RBMS1: variants seen among roughly 807,000 people sequenced by gnomAD.
RBMS1 encodes RNA-binding motif, single-stranded-interacting protein 1.
Under a neutral mutation model 62.3 loss-of-function variants are expected in RBMS1, and 17 were observed. The observed-to-expected ratio is 0.27, with a 90% confidence interval of 0.19 to 0.41. The LOEUF (loss-of-function observed/expected upper bound fraction) is 0.41. Among genes scored for constraint, RBMS1 ranks in the 10% least tolerant of loss-of-function variants. The pLI is 1.00. For synonymous variants in RBMS1, 172 were observed against 170.0 expected (o/e 1.01, Z -0.09); for missense variants, 334 against 504.5 (o/e 0.66, Z 3.24).
chr2:160,317,659 T>G (rs1690299772), intron 3 of RBMS1, among the ~76,000 whole-genome samples: 1 of 152,074 alleles, frequency 6.6e-6, no homozygotes, highest in Non-Finnish European at 1.5e-5. Context: ...AATGGTTGTC[T>G]CCTCCCTGCT....
At chr2:160,308,310 C>T (rs1689659085) in intron 4 of RBMS1, among the ~76,000 whole-genome samples, 1 of 152,038 alleles carries the variant, frequency 6.6e-6, no homozygotes, top group Non-Finnish European at 1.5e-5. Context: ...GTGGAAGGAT[C>T]GCTTGAACCT....
At chr2:160,368,450 G>A (rs1359787516) in intron 1 of RBMS1, among the ~76,000 whole-genome samples, 3 of 152,160 alleles carry the variant, frequency 2.0e-5, no homozygotes, top group Non-Finnish European at 4.4e-5. Context: ...AGTCAGGCAT[G>A]TCTATAGGAG....
In RBMS1 at chr2:160,277,335, C is replaced by G; in HGVS notation, c.1111G>C (p.Ala371Pro). 6.2e-7 allele frequency: 1 copy of G among 1,613,520 alleles called. No individual in the cohort carries two copies. Among genetic ancestry groups the G allele is most frequent in the Non-Finnish European group, 8.5e-7 (1 of 1,179,484 alleles). Reference protein sequence around the residue: ...AMQGAYLPQYAHMQTTAVPVE... With the variant: ...AMQGAYLPQYPHMQTTAVPVE... ...GGAACCGCTGTCGTCTGCATATGTG[C>G]ATACTGTGGCAAGTAGGCTCCTTGC... is the stretch of plus-strand genomic sequence containing the variant. Residue 371 changes from alanine (A) to proline (P), a missense_variant, in exon 12 of 14, where the codon GCA becomes CCA. Ala to Pro is a conservative substitution (Grantham distance 27). Transcript: ENST00000348849.
chr2:160,318,059 G>T, intron 3 of RBMS1, 110 bp downstream of exon 3: 1 of 1,456,016 alleles, frequency 6.9e-7, no homozygotes, highest in African/African-American at 1.4e-5. Context: ...TGATATATAA[G>T]ATCTGGTTTT....
intron 1 of RBMS1, among the ~76,000 whole-genome samples, chr2:160,484,351 C>T (rs540247686): frequency 6.6e-6 from 1 of 151,480 alleles, no homozygotes; most frequent in Non-Finnish European, 1.5e-5. Flanking sequence ...AAAAATTAGC[C>T]GGACGTGGTG....
chr2:160,284,007 G>A (rs944593697), intron 9 of RBMS1: 1 of 152,178 alleles, frequency 6.6e-6, no homozygotes, highest in African/African-American at 2.4e-5. Flanking sequence ...ACAGGATCCT[G>A]ATGGTCAACA....
chr2:160,316,135 C>A (rs1369086527), intron 3 of RBMS1, among the ~76,000 whole-genome samples: 1 of 152,092 alleles, frequency 6.6e-6, no homozygotes, highest in Non-Finnish European at 1.5e-5. Context: ...ATCTACCTAT[C>A]ACGTCAAGTT....
intron 1 of RBMS1, among the ~76,000 whole-genome samples, chr2:160,430,584 T>C (rs1682847526): frequency 6.6e-6 from 1 of 152,240 alleles, no homozygotes; most frequent in African/African-American, 2.4e-5. Flanking sequence ...TAACAACTAC[T>C]TTCTCCCGTG....
chr2:160,415,487 T>C lies in RBMS1; in HGVS notation c.76-48096A>G, dbSNP rs1354046664. Among the ~76,000 whole-genome samples, 8 of 150,900 alleles carry C rather than the reference T, an allele frequency of 5.3e-5. No homozygotes were observed. The East Asian group carries it at 1.4e-3, about 25-fold the overall frequency. ...GAAGAGACAGAAAGTACTTAGGAAATTTAAAAAAAAAATTGTGGAAAACTG... is the reference window on the plus strand; with the variant it reads ...GAAGAGACAGAAAGTACTTAGGAAACTTAAAAAAAAAATTGTGGAAAACTG... On this transcript the variant is annotated intron_variant, in intron 1 of 13. Transcript: ENST00000348849.
At chr2:160,490,543 T>C (rs887256227) in intron 1 of RBMS1, among the ~76,000 whole-genome samples, 3 of 152,164 alleles carry the variant, frequency 2.0e-5, no homozygotes, top group Non-Finnish European at 4.4e-5. Context: ...TGCTCCAATA[T>C]AGCCCAACGG....
chr2:160,450,564 G>GAAAAAAAAAAAA (rs1181640365), intron 1 of RBMS1, among the ~76,000 whole-genome samples: 3 of 56,578 alleles, frequency 5.3e-5, no homozygotes, highest in African/African-American at 8.1e-5. Flanking sequence ...AATAAAAAAT[G>GAAAAAAAAAAAA]AAAAAAAAAA....
Position 160,318,229 on chromosome 2 carries a change from T to TAAAAAAAAAAAAAAAAAAAGACAA in RBMS1, c.252-3_252-2insTTGTCTTTTTTTTTTTTTTTTTTT. On this transcript the variant is annotated splice_polypyrimidine_tract_variant and splice_region_variant and intron_variant, in intron 2 of 13. Coordinates refer to ENST00000348849, the MANE Select transcript of RBMS1 (RefSeq NM_016836.4). ...TTTGTGGAGACTATTTTCCCATATCTAAAAAAAAAAAAAAAAAAAAAAAGG... is the reference window on the plus strand; with the variant it reads ...TTTGTGGAGACTATTTTCCCATATCTAAAAAAAAAAAAAAAAAAAGACAAAAAAAAAAAAAAAAAAAAAAAAAGG... The TAAAAAAAAAAAAAAAAAAAGACAA allele has an allele frequency of 8.6e-7, 1 of 1,163,254 alleles. No homozygotes were observed. Among genetic ancestry groups the TAAAAAAAAAAAAAAAAAAAGACAA allele is most frequent in the Non-Finnish European group, 1.1e-6 (1 of 929,826 alleles). The allele number at this position is 1,163,254 out of a possible 1,614,324, so 72.1% of individuals were successfully genotyped here.
intron 1 of RBMS1, among the ~76,000 whole-genome samples, chr2:160,386,710 C>T (rs1694597993): frequency 6.6e-6 from 1 of 152,122 alleles, no homozygotes; most frequent in African/African-American, 2.4e-5. Flanking sequence ...AGAGAGCCCT[C>T]ACCAGAACCC....
intron 1 of RBMS1, among the ~76,000 whole-genome samples, chr2:160,442,511 T>C (rs1683451257): frequency 6.6e-6 from 1 of 152,196 alleles, no homozygotes; most frequent in Non-Finnish European, 1.5e-5. Context: ...AACATTCTAG[T>C]AGAACTAGCC....
intron 1 of RBMS1, among the ~76,000 whole-genome samples, chr2:160,393,762 A>G (rs1056455225): frequency 6.7e-6 from 1 of 150,288 alleles, no homozygotes; most frequent in African/African-American, 2.5e-5. Flanking sequence ...GGACAACAAG[A>G]GAGACTCCAT....
At chr2:160,299,931 A>G (rs1286663174) in intron 6 of RBMS1, among the ~76,000 whole-genome samples, 1 of 152,186 alleles carries the variant, frequency 6.6e-6, no homozygotes, top group East Asian at 1.9e-4. Flanking sequence ...GGCTGCATGG[A>G]TATAACAGGA....
chr2:160,458,984 C>A (rs1007265694), intron 1 of RBMS1, among the ~76,000 whole-genome samples: 3 of 152,120 alleles, frequency 2.0e-5, no homozygotes, highest in Non-Finnish European at 2.9e-5. Context: ...AGTGCTCAAG[C>A]AAAAATCGCA....
intron 1 of RBMS1, among the ~76,000 whole-genome samples, chr2:160,408,315 G>T (rs996892893): frequency 9.9e-5 from 15 of 151,874 alleles, no homozygotes; most frequent in African/African-American, 3.6e-4. Flanking sequence ...GGCCCCCCGC[G>T]CCACTCTTCA....
chr2:160,399,057 A>T (rs754060060), intron 1 of RBMS1, among the ~76,000 whole-genome samples: 1 of 152,152 alleles, frequency 6.6e-6, no homozygotes, highest in Non-Finnish European at 1.5e-5. Context: ...CCTAACCTGA[A>T]CTACCCACTA....
Sources: gnomAD v4.1 joint callset for allele counts (sites outside exome capture counted in the v4.1 genomes callset) on GRCh38, gnomAD v4.1.1 for gene constraint, MANE v1.5 for transcripts, NCBI Gene and HGNC (gene_info 2026-07-23, HGNC 2026-07-21) for gene names.